TMEM108: variants seen among roughly 807,000 people sequenced by gnomAD.
The protein encoded by TMEM108 is cancer/testis antigen 124.
TMEM108 carries 12 observed loss-of-function variants against 35.1 expected under a neutral mutation model. The observed-to-expected ratio is 0.34, with a 90% CI of 0.22 to 0.55. The LOEUF (loss-of-function observed/expected upper bound fraction) is 0.55, where lower values mean the gene tolerates loss of function less well. Among genes scored for constraint, TMEM108 ranks in the 20% least tolerant of loss-of-function variants. The pLI is 0.89. For synonymous variants in TMEM108, 287 were observed against 308.6 expected (o/e 0.93, Z 0.73); for missense variants, 680 against 753.3 (o/e 0.90, Z 1.14).
intron 2 of TMEM108, among the ~76,000 whole-genome samples, chr3:133,206,021 T>C (rs1453297990): frequency 6.6e-6 from 1 of 152,268 alleles, no homozygotes; most frequent in Non-Finnish European, 1.5e-5. Flanking sequence ...TCTTTAATCT[T>C]GTCTTCACAG....
intron 3 of TMEM108, among the ~76,000 whole-genome samples, chr3:133,285,884 T>C (rs1214010301): frequency 6.6e-6 from 1 of 152,206 alleles, no homozygotes; most frequent in African/African-American, 2.4e-5. Flanking sequence ...GTCATATCTT[T>C]TTAGTTTTCT....
chr3:133,183,996 C>T (rs2107806761), intron 2 of TMEM108, among the ~76,000 whole-genome samples: 1 of 152,288 alleles, frequency 6.6e-6, no homozygotes, highest in African/African-American at 2.4e-5. Context: ...GATAAGGGAA[C>T]AAGGGCATTA....
chr3:133,218,730 C>T (rs1559872014), intron 2 of TMEM108, among the ~76,000 whole-genome samples: 3 of 151,972 alleles, frequency 2.0e-5, no homozygotes, highest in Non-Finnish European at 4.4e-5. Flanking sequence ...GGATAAATTT[C>T]ACTTAATCTT....
At chr3:133,293,290 C>T (rs888062573) in intron 3 of TMEM108, among the ~76,000 whole-genome samples, 1 of 151,734 alleles carries the variant, frequency 6.6e-6, no homozygotes, top group Admixed American at 6.6e-5. Context: ...TAGCACTTCT[C>T]TCCATGAAAG....
At chr3:133,188,481 T>G (rs953278907) in intron 2 of TMEM108, among the ~76,000 whole-genome samples, 3 of 151,856 alleles carry the variant, frequency 2.0e-5, no homozygotes, top group African/African-American at 7.3e-5. Context: ...TACGGATAAT[T>G]TTTATTTATG....
chr3:133,075,685 C>G (rs1943730217), intron 2 of TMEM108, among the ~76,000 whole-genome samples: 1 of 152,096 alleles, frequency 6.6e-6, no homozygotes, highest in African/African-American at 2.4e-5. Context: ...TCCATTCTAA[C>G]AGGTGTGAGG....
At chr3:133,172,905 G>A (rs1945151565) in intron 2 of TMEM108, among the ~76,000 whole-genome samples, 1 of 152,144 alleles carries the variant, frequency 6.6e-6, no homozygotes, top group African/African-American at 2.4e-5. Context: ...ATAAGGGGGA[G>A]TTTCCCTCCA....
chr3:133,241,792 T>C (rs754589198), intron 3 of TMEM108, among the ~76,000 whole-genome samples: 8 of 152,058 alleles, frequency 5.3e-5, no homozygotes, highest in Non-Finnish European at 1.2e-4. Flanking sequence ...TTTTGCATTT[T>C]TAGTAGAGAC....
Position 133,364,744 on chromosome 3 carries a change from C to G in TMEM108, c.41-15008C>G, listed in dbSNP as rs138788868. Among the ~76,000 whole-genome samples the G allele has an allele frequency of 2.8e-3, 427 of 152,322 alleles. 4 individuals are homozygous for G. Among genetic ancestry groups the G allele is most frequent in the African/African-American group, 8.4e-3 (351 of 41,566 alleles). ...AAGAAGGAAGAATTGTCTCCCTCATCATGAACATTAATTGAAATATCATCT... is the reference window on the plus strand; with the variant it reads ...AAGAAGGAAGAATTGTCTCCCTCATGATGAACATTAATTGAAATATCATCT... On this transcript the variant is annotated intron_variant, in intron 3 of 5. Transcript: ENST00000321871.
intron 3 of TMEM108, among the ~76,000 whole-genome samples, chr3:133,244,344 G>T (rs1320321429): frequency 6.6e-6 from 1 of 152,134 alleles, no homozygotes; most frequent in Non-Finnish European, 1.5e-5. Context: ...CCTTGTTCCT[G>T]GTTCTCATGT....
intron 2 of TMEM108, among the ~76,000 whole-genome samples, chr3:133,223,321 C>T (rs934490941): frequency 1.3e-5 from 2 of 152,146 alleles, no homozygotes; most frequent in Admixed American, 6.5e-5. Context: ...TTGGAGTCTT[C>T]GGGCAGCCTG....
intron 2 of TMEM108, among the ~76,000 whole-genome samples, chr3:133,058,195 G>T (rs1043396676): frequency 2.0e-5 from 3 of 152,180 alleles, no homozygotes; most frequent in Non-Finnish European, 2.9e-5. Flanking sequence ...TTTGACTTGT[G>T]TAACATCAGA....
At chr3:133,349,439 A>T (rs962192079) in intron 3 of TMEM108, among the ~76,000 whole-genome samples, 8 of 152,180 alleles carry the variant, frequency 5.3e-5, no homozygotes, top group East Asian at 1.9e-4. Context: ...CAAAAGCAAA[A>T]ATAGACAAAT....
intron 3 of TMEM108, among the ~76,000 whole-genome samples, chr3:133,285,713 G>GT (rs1454894869): frequency 6.6e-6 from 1 of 152,144 alleles, no homozygotes; most frequent in Non-Finnish European, 1.5e-5. Context: ...CGATCCCCTA[G>GT]TTTTTATGAG....
intron 3 of TMEM108, among the ~76,000 whole-genome samples, chr3:133,276,692 G>A (rs933732651): frequency 1.3e-5 from 2 of 152,120 alleles, no homozygotes; most frequent in South Asian, 2.1e-4. Flanking sequence ...AGTGGTGGGC[G>A]TTTGTTGAGA....
chr3:133,353,380 A>G (rs1011149532), intron 3 of TMEM108, among the ~76,000 whole-genome samples: 2 of 152,204 alleles, frequency 1.3e-5, no homozygotes, highest in African/African-American at 4.8e-5. Flanking sequence ...ATAGAAGCAT[A>G]TGCAGTATAC....
At chr3:133,049,122 T>A (rs1010809730) in intron 2 of TMEM108, among the ~76,000 whole-genome samples, 1 of 152,180 alleles carries the variant, frequency 6.6e-6, no homozygotes, top group Non-Finnish European at 1.5e-5. Context: ...CTGTGTGTGT[T>A]TATGATGGGG....
intron 3 of TMEM108, among the ~76,000 whole-genome samples, chr3:133,316,021 A>G (rs2071194171): frequency 6.6e-6 from 1 of 152,190 alleles, no homozygotes; most frequent in Non-Finnish European, 1.5e-5. Flanking sequence ...CTTTCTTGTA[A>G]CACACACAAA....
At chr3:133,197,676 C>T (rs955001493) in intron 2 of TMEM108, among the ~76,000 whole-genome samples, 2 of 147,028 alleles carry the variant, frequency 1.4e-5, no homozygotes, top group African/African-American at 5.2e-5. Context: ...GAGCCTGCAC[C>T]CGAGGTAGAA....
Sources: allele counts gnomAD v4.1 joint callset (sites outside exome capture counted in the v4.1 genomes callset), GRCh38; gene constraint gnomAD v4.1.1; transcripts MANE v1.5; gene names NCBI Gene and HGNC (gene_info 2026-07-23, HGNC 2026-07-21).